CLIP1: variants seen among roughly 807,000 people sequenced by gnomAD.
CLIP1 encodes the protein CAP-Gly domain-containing linker protein 1.
A neutral mutation model predicts 161.6 loss-of-function variants in CLIP1; 66 were observed. The ratio of observed to expected loss-of-function variants is 0.41; its 90% confidence interval spans 0.33 to 0.50. The LOEUF (loss-of-function observed/expected upper bound fraction) is 0.50. Ranked by LOEUF, CLIP1 falls within the 20% of genes least tolerant of loss-of-function variation. The probability of loss-of-function intolerance (pLI) is 0.27; values close to 1 mark genes in which losing one functional copy is unlikely to be tolerated. For synonymous variants in CLIP1, 598 were observed against 626.2 expected, an observed-to-expected ratio of 0.96 and a Z score of 0.67; for missense variants, 1,376 against 1,702.0, an observed-to-expected ratio of 0.81 and a Z score of 3.37.
intron 20 of CLIP1, among the ~76,000 whole-genome samples, chr12:122,292,475 G>A (rs536854753): frequency 7.2e-5 from 11 of 152,170 alleles, no homozygotes; most frequent in South Asian, 2.1e-4. Context: ...TTCTTTGAGC[G>A]CTTCCTTGCT....
At position 122,355,427 on chromosome 12, in the gene CLIP1, G is replaced by A. The variant is rs1953288917; in HGVS notation, c.1006-115C>T. On this transcript the variant is annotated intron_variant, in intron 5 of 25. Coordinates refer to ENST00000620786, the MANE Select transcript of CLIP1 (RefSeq NM_001247997.2). The surrounding 1 kb of genome is among the most constrained non-coding windows in gnomAD (Gnocchi z 4.1). Reference sequence around the variant, plus strand: ...CAAAGCAAGGGCGCTGCTCCAGCTGGCAGGCTGGCCAGGATTAGGAAAGGC... The same window carrying A: ...CAAAGCAAGGGCGCTGCTCCAGCTGACAGGCTGGCCAGGATTAGGAAAGGC... 6 of 872,412 alleles carry A rather than the reference G, an allele frequency of 6.9e-6. No individual in the cohort carries two copies. The highest frequency in any genetic ancestry group is 1.1e-5 in the Non-Finnish European group (6 of 557,194). 54.0% of individuals were successfully genotyped at this position (872,412 alleles called of 1,614,324 possible).
chr12:122,288,287 G>A (rs1017979571), intron 21 of CLIP1, among the ~76,000 whole-genome samples: 1 of 152,162 alleles, frequency 6.6e-6, no homozygotes, highest in African/African-American at 2.4e-5. Context: ...GCCTCCCAAA[G>A]TGCTGGGATT....
Position 122,333,140 on chromosome 12 carries a change from A to G in CLIP1, c.2714T>C (p.Met905Thr), listed in dbSNP as rs372008866. 1.8e-5 allele frequency: 29 copies of G among 1,607,602 alleles called. No individual in the cohort carries two copies. The East Asian group carries it at 2.9e-4, about 16-fold the overall frequency. The change falls in exon 15 of 26, where the codon ATG becomes ACG. Residue 905 changes from methionine (M) to threonine (T), a missense_variant. Met to Thr is a moderately conservative substitution (Grantham distance 81, BLOSUM62 -1). Around this residue, in one of 6 missense-constraint regions of CLIP1, gnomAD observed 948 missense variants for 1,134.8 expected, o/e 0.84. Coordinates refer to ENST00000620786, the MANE Select transcript of CLIP1 (RefSeq NM_001247997.2). ...ATCTTTCTCTCTAAATTTTGCCTCC[A>G]TATCTAAATATATAGAGAAAAAAAG... The part of the protein sequence containing the change: ...LEKLRENLAD[M>T]EAKFREKDER...
At chr12:122,340,627 TG>T in intron 11 of CLIP1, 125 bp downstream of exon 11, 1 of 720,248 alleles carries the variant, frequency 1.4e-6, no homozygotes, top group Non-Finnish European at 2.3e-6. Flanking sequence ...TATACTCAAC[TG>T]GGGACATCAA....
Position 122,380,561 on chromosome 12 carries a change from GCAAA to G in CLIP1, c.-106-7_-106-4del. ...TGAAGTCAGTCTCTGGATTAAATCT[GCAAA>G]GAGAAAGAAATAAAAAGATTTTATA... is the stretch of plus-strand genomic sequence containing the variant. On this transcript the variant is annotated splice_region_variant and splice_polypyrimidine_tract_variant and intron_variant, in intron 1 of 25. Coordinates refer to ENST00000620786, the MANE Select transcript of CLIP1 (RefSeq NM_001247997.2). The G allele has an allele frequency of 1.8e-6, 1 of 571,302 alleles. No individual in the cohort carries two copies. 35.4% of individuals were successfully genotyped at this position (571,302 alleles called of 1,614,324 possible).
intron 5 of CLIP1, among the ~76,000 whole-genome samples, chr12:122,357,135 A>G (rs1255336665): frequency 1.4e-5 from 2 of 144,200 alleles, no homozygotes; most frequent in African/African-American, 5.2e-5. Context: ...CCCGGCCGCC[A>G]TCTCATCTAG....
chr12:122,360,793 G>A, intron 5 of CLIP1, 166 bp downstream of exon 5: 1 of 575,900 alleles, frequency 1.7e-6, no homozygotes, highest in Non-Finnish European at 3.0e-6. Flanking sequence ...ATTCTTGCTG[G>A]AGTTACATTT....
At chr12:122,407,736 G>A (rs557648661) in intron 1 of CLIP1, among the ~76,000 whole-genome samples, 2 of 79,404 alleles carry the variant, frequency 2.5e-5, no homozygotes, top group East Asian at 8.4e-4. Context: ...GGTTTTTGGT[G>A]AGACCCTGTC....
chr12:122,355,622 T>A lies in CLIP1; in HGVS notation c.1006-310A>T, dbSNP rs1953299590. On this transcript the variant is annotated intron_variant, in intron 5 of 25. Transcript: ENST00000620786. This position sits in a 1 kb window ranked among gnomAD's most constrained non-coding sequence, Gnocchi z 4.1. Reference sequence around the variant, plus strand: ...CCAGGAGTTTGAGACCTGGCCAAGATGATGAGACCCCATCTCTACTAAAAA... The same window carrying A: ...CCAGGAGTTTGAGACCTGGCCAAGAAGATGAGACCCCATCTCTACTAAAAA... 3.3e-6 allele frequency: 1 copy of A among 301,570 alleles called. No individual in the cohort carries two copies. Among genetic ancestry groups the A allele is most frequent in the South Asian group, 4.1e-5 (1 of 24,526 alleles). 18.7% of individuals were successfully genotyped at this position (301,570 alleles called of 1,614,324 possible).
intron 21 of CLIP1, among the ~76,000 whole-genome samples, chr12:122,288,273 C>T (rs1006573068): frequency 1.3e-5 from 2 of 152,130 alleles, no homozygotes; most frequent in African/African-American, 2.4e-5. Flanking sequence ...ATCCGCCAGC[C>T]TTGGCCTCCC....
At position 122,359,774 on chromosome 12, in the gene CLIP1, C is replaced by T. The variant is rs74413105; in HGVS notation, c.1005+1185G>A. Among the ~76,000 whole-genome samples, 5 of 152,242 alleles carry T rather than the reference C, an allele frequency of 3.3e-5. No individual in the cohort carries two copies. In the East Asian group the frequency reaches 9.6e-4, roughly 29 times the overall value. ...CCGACGACAATGGAAGAGCAGGCAC[C>T]GTGAGATCCTGGGCTAACCACCTCC... On this transcript the variant is annotated intron_variant, in intron 5 of 25. Coordinates refer to ENST00000620786, the MANE Select transcript of CLIP1 (RefSeq NM_001247997.2).
At chr12:122,337,709 T>C (rs1952297687) in intron 11 of CLIP1, among the ~76,000 whole-genome samples, 1 of 152,058 alleles carries the variant, frequency 6.6e-6, no homozygotes, top group African/African-American at 2.4e-5. Flanking sequence ...TTGAGCAATT[T>C]CATTTCCTAG....
chr12:122,393,592 C>G (rs879300571), intron 1 of CLIP1, among the ~76,000 whole-genome samples: 1 of 152,136 alleles, frequency 6.6e-6, no homozygotes, highest in Non-Finnish European at 1.5e-5. Flanking sequence ...ATAAAGGGCT[C>G]TTAGTCTCTA....
chr12:122,278,768 A>C lies in CLIP1; in HGVS notation c.3916+24T>G, dbSNP rs377099633. The stretch of plus-strand genomic sequence containing the variant: ...TCGGGAGGACGCGGGGTGTACAGAG[A>C]AGCACTGGGCAGGCGCCCTTTACCT... On this transcript the variant is annotated intron_variant, in intron 23 of 25. Coordinates refer to ENST00000620786, the MANE Select transcript of CLIP1 (RefSeq NM_001247997.2). 60 of 1,563,402 alleles carry C rather than the reference A, an allele frequency of 3.8e-5. 1 individual carries two copies. The African/African-American group carries it at 6.7e-4, about 18-fold the overall frequency.
intron 21 of CLIP1, among the ~76,000 whole-genome samples, chr12:122,283,082 G>A (rs954529728): frequency 1.1e-4 from 17 of 152,264 alleles, no homozygotes; most frequent in African/African-American, 4.1e-4. Flanking sequence ...CAAAATCCAT[G>A]CCTCGCGCCT....
In CLIP1 at chr12:122,274,170, G is replaced by A; in HGVS notation, c.3967-8C>T. ...TGAATTTAGGAAATCAATCTGATTT[G>A]TTAAAAAAAAAATGTGTAAAATGTC... On this transcript the variant is annotated splice_polypyrimidine_tract_variant and splice_region_variant and intron_variant, in intron 24 of 25. Transcript: ENST00000620786. The A allele has an allele frequency of 6.4e-7, 1 of 1,572,708 alleles. No individual in the cohort carries two copies. The highest frequency in any genetic ancestry group is 2.2e-5 in the East Asian group (1 of 44,544).
At chr12:122,291,108 G>A (rs968303505) in intron 20 of CLIP1, among the ~76,000 whole-genome samples, 1 of 151,728 alleles carries the variant, frequency 6.6e-6, no homozygotes, top group Non-Finnish European at 1.5e-5. Context: ...GGCCAGGCTG[G>A]TCTCAAACTC....
chr12:122,272,098 A>C lies in CLIP1; in HGVS notation c.*777T>G, dbSNP rs1264085686. On this transcript the variant is annotated 3_prime_UTR_variant, in exon 26 of 26. Transcript: ENST00000620786. The stretch of plus-strand genomic sequence containing the variant: ...AAGTGTTTTCTTTTTCAAAAAGGTA[A>C]ATGTCCAAAAAGAAAGACACATTGT... 1 of 152,348 alleles carries C rather than the reference A, an allele frequency of 6.6e-6. No homozygotes were observed. The highest frequency in any genetic ancestry group is 2.4e-5 in the African/African-American group (1 of 41,462). 9.4% of individuals were successfully genotyped at this position (152,348 alleles called of 1,614,324 possible).
chr12:122,352,044 A>C (rs1953060052), intron 8 of CLIP1, among the ~76,000 whole-genome samples: 2 of 146,742 alleles, frequency 1.4e-5, no homozygotes, highest in African/African-American at 2.5e-5. Context: ...TAAAGCAAAA[A>C]ACTTTGTTGT....
Sources: allele counts gnomAD v4.1 joint callset (sites outside exome capture counted in the v4.1 genomes callset), GRCh38; gene constraint gnomAD v4.1.1; regional missense constraint gnomAD v4.1.1; non-coding constraint Gnocchi (gnomAD v3.1); transcripts MANE v1.5; gene names NCBI Gene and HGNC (gene_info 2026-07-23, HGNC 2026-07-21).